The following ZNF491 variants were observed in gnomAD, a reference collection of about 807,000 sequenced individuals.
The protein encoded by ZNF491 is zinc finger protein 491.
ZNF491 carries 22 observed loss-of-function variants against 34.7 expected under a neutral mutation model. The ratio of observed to expected loss-of-function variants is 0.63; its 90% confidence interval spans 0.45 to 0.90. The LOEUF (loss-of-function observed/expected upper bound fraction) is 0.90. Ranked by LOEUF, ZNF491 falls within the 40% of genes least tolerant of loss-of-function variation. ZNF491 has a pLI of 0.00. For synonymous variants in ZNF491, 148 were observed against 174.3 expected (o/e 0.85, Z 1.19); for missense variants, 559 against 531.7 (o/e 1.05, Z -0.51).
chr19:11,806,771 G>A lies in ZNF491; in HGVS notation c.818G>A (p.Cys273Tyr). The A allele has an allele frequency of 6.2e-7, 1 of 1,613,120 alleles. No individual in the cohort carries two copies. Among genetic ancestry groups the A allele is most frequent in the Admixed American group, 1.7e-5 (1 of 59,744 alleles). ...CACACTGGAGAGAGGCCTCATAAATGTAAGATATGTGGGAAAGCCTTTTAC... is the reference window on the plus strand; with the variant it reads ...CACACTGGAGAGAGGCCTCATAAATATAAGATATGTGGGAAAGCCTTTTAC... ...RMHTGERPHK[C>Y]KICGKAFYSP... The change falls in exon 3 of 3, where the codon TGT becomes TAT. Residue 273 changes from cysteine to tyrosine, a missense_variant. By Grantham distance (194) the Cys-to-Tyr change is radical. Coordinates refer to ENST00000323169, the MANE Select transcript of ZNF491 (RefSeq NM_152356.4).
intron 1 of ZNF491, among the ~76,000 whole-genome samples, chr19:11,801,088 C>G (rs1975554551): frequency 6.6e-6 from 1 of 151,992 alleles, no homozygotes; most frequent in Admixed American, 6.6e-5. Context: ...CCTGTAATCC[C>G]AGCACTTTGG....
At position 11,806,897 on chromosome 19, in the gene ZNF491, A is replaced by C. The variant is rs760958878; in HGVS notation, c.944A>C (p.Gln315Pro). 1 of 1,610,558 alleles carries C rather than the reference A, an allele frequency of 6.2e-7. No individual in the cohort carries two copies. Among genetic ancestry groups the C allele is most frequent in the Admixed American group, 1.7e-5 (1 of 59,316 alleles). ...GCCTTCACTTGTTCCACTTCGTTTC[A>C]ATATCATGAAAGGACTCACACTGGA... is the stretch of plus-strand genomic sequence containing the variant. ...GKAFTCSTSF[Q>P]YHERTHTGEK... Residue 315 changes from glutamine (Q) to proline (P), a missense_variant, in exon 3 of 3, where the codon CAA becomes CCA. By Grantham distance (76) the Gln-to-Pro change is moderately conservative (BLOSUM62 -1). Transcript: ENST00000323169.
chr19:11,805,067 T>G (rs1236024712), intron 2 of ZNF491, among the ~76,000 whole-genome samples: 1 of 152,182 alleles, frequency 6.6e-6, no homozygotes, highest in South Asian at 2.1e-4. Flanking sequence ...TATATTTCAA[T>G]GTGATATAGA....
chr19:11,802,362 T>C (rs142998176), intron 1 of ZNF491, among the ~76,000 whole-genome samples: 64 of 152,332 alleles, frequency 4.2e-4, no homozygotes, highest in African/African-American at 1.4e-3. Flanking sequence ...TTTTTTATAG[T>C]TGAATTATGG....
At chr19:11,803,487 T>C (rs991067661) in intron 1 of ZNF491, among the ~76,000 whole-genome samples, 2 of 152,224 alleles carry the variant, frequency 1.3e-5, no homozygotes, top group South Asian at 4.1e-4. Flanking sequence ...ATATCCTTTT[T>C]CTATTCCAGG....
Position 11,806,777 on chromosome 19 carries a change from T to C in ZNF491, c.824T>C (p.Ile275Thr). The C allele has an allele frequency of 6.2e-7, 1 of 1,612,290 alleles. No homozygotes were observed. Among genetic ancestry groups the C allele is most frequent in the South Asian group, 1.1e-5 (1 of 90,822 alleles). Residue 275 changes from isoleucine to threonine, a missense_variant, in exon 3 of 3, where the codon ATA (isoleucine) becomes ACA (threonine). Ile to Thr is a moderately conservative substitution (Grantham distance 89). Coordinates refer to ENST00000323169, the MANE Select transcript of ZNF491 (RefSeq NM_152356.4). Reference protein sequence around the residue: ...HTGERPHKCKICGKAFYSPSS... With the variant: ...HTGERPHKCKTCGKAFYSPSS... ...GGAGAGAGGCCTCATAAATGTAAGA[T>C]ATGTGGGAAAGCCTTTTACTCTCCC... is the stretch of plus-strand genomic sequence containing the variant.
chr19:11,799,100 A>C (rs1297328933), intron 1 of ZNF491: 2 of 152,300 alleles, frequency 1.3e-5, no homozygotes, highest in African/African-American at 4.8e-5. Context: ...GTTAACAGTT[A>C]AAGAGTTTGT....
At chr19:11,800,948 G>A (rs967592960) in intron 1 of ZNF491, among the ~76,000 whole-genome samples, 7 of 151,906 alleles carry the variant, frequency 4.6e-5, no homozygotes, top group Non-Finnish European at 8.8e-5. Context: ...AAGGCGGGAG[G>A]ATCGCTTGAG....
intron 1 of ZNF491, among the ~76,000 whole-genome samples, chr19:11,801,691 TAAA>T (rs2145096910): frequency 6.6e-6 from 1 of 152,314 alleles, no homozygotes; most frequent in Non-Finnish European, 1.5e-5. Flanking sequence ...AGAAAAACCT[TAAA>T]AATTTTACTA....
chr19:11,806,013 G>A lies in ZNF491; in HGVS notation c.60G>A (p.Gln20=). 1 of 1,612,618 alleles carries A rather than the reference G, an allele frequency of 6.2e-7. No individual in the cohort carries two copies. Among genetic ancestry groups the A allele is most frequent in the Non-Finnish European group, 8.5e-7 (1 of 1,179,380 alleles). ...GTCAGTGTGGAGAAACTTTCACCCA[G>A]GTTCCGGAAGACATGCTGAACAAGA... ...EGSQCGETFT[Q]VPEDMLNKKT... is the part of the protein sequence containing the mutation. Residue 20 remains glutamine, a synonymous_variant, in exon 3 of 3, where the codon CAG becomes CAA. Transcript: ENST00000323169.
Position 11,806,394 on chromosome 19 carries a change from T to G in ZNF491, c.441T>G (p.Leu147=), listed in dbSNP as rs961355559. 1 of 1,613,636 alleles carries G rather than the reference T, an allele frequency of 6.2e-7. No individual in the cohort carries two copies. Among genetic ancestry groups the G allele is most frequent in the Non-Finnish European group, 8.5e-7 (1 of 1,179,818 alleles). ...CCTTGGATTGTCTCAGTTTATACCT[T>G]ACCCATGAACGAACTCACACTGGAG... ...GKALDCLSLY[L]THERTHTGEK... is the part of the protein sequence containing the mutation. Residue 147 remains leucine (L), a synonymous_variant, in exon 3 of 3, where the codon CTT becomes CTG. Transcript: ENST00000323169.
rs111570520 is a variant in ZNF491 at position 11,806,360 on chromosome 19, G to A, written c.407G>A (p.Cys136Tyr). The A allele has an allele frequency of 3.1e-6, 5 of 1,613,250 alleles. No homozygotes were observed. Among genetic ancestry groups the A allele is most frequent in the African/African-American group, 1.3e-5 (1 of 74,966 alleles). ...GATGGACCTTATAAATGTAAGTTTTGTGGGAAAGCCTTGGATTGTCTCAGT... is the reference window on the plus strand; with the variant it reads ...GATGGACCTTATAAATGTAAGTTTTATGGGAAAGCCTTGGATTGTCTCAGT... ...SGDGPYKCKF[C>Y]GKALDCLSLY... The change falls in exon 3 of 3, where the codon TGT (cysteine) becomes TAT (tyrosine). Residue 136 changes from cysteine to tyrosine, a missense_variant. Physicochemically the swap from Cys to Tyr is radical, Grantham distance 194. Coordinates refer to ENST00000323169, the MANE Select transcript of ZNF491 (RefSeq NM_152356.4).
At chr19:11,801,078 C>T (rs987363642) in intron 1 of ZNF491, among the ~76,000 whole-genome samples, 1 of 152,016 alleles carries the variant, frequency 6.6e-6, no homozygotes, top group Non-Finnish European at 1.5e-5. Flanking sequence ...CTGGCTTACA[C>T]CTGTAATCCC....
At chr19:11,804,951 C>A (rs1383291943) in intron 2 of ZNF491, among the ~76,000 whole-genome samples, 2 of 152,152 alleles carry the variant, frequency 1.3e-5, no homozygotes, top group African/African-American at 4.8e-5. Flanking sequence ...AAAGAAATGT[C>A]TCTAAAGAAA....
Position 11,806,916 on chromosome 19 carries a change from C to T in ZNF491, c.963C>T (p.His321=), listed in dbSNP as rs1289892102. ...CGTTTCAATATCATGAAAGGACTCA[C>T]ACTGGAGAGAAACCCGATGGGTGTA... The part of the protein sequence containing the change: ...STSFQYHERT[H]TGEKPDGCKQ... Residue 321 remains histidine, a synonymous_variant, in exon 3 of 3, where the codon CAC becomes CAT. Transcript: ENST00000323169. 2.5e-6 allele frequency: 4 copies of T among 1,613,092 alleles called. No individual in the cohort carries two copies. Among genetic ancestry groups the T allele is most frequent in the Middle Eastern group, 1.7e-4 (1 of 6,052 alleles).
intron 1 of ZNF491, among the ~76,000 whole-genome samples, chr19:11,799,779 CA>C (rs1473448768): frequency 1.3e-5 from 2 of 151,940 alleles, no homozygotes; most frequent in African/African-American, 4.8e-5. Flanking sequence ...ACCAAAAATA[CA>C]AAAATTAGCT....
rs1434035630 is a variant in ZNF491 at position 11,805,987 on chromosome 19, A to G, written c.34A>G (p.Ser12Gly). ...GERLFESAEG[S>G]QCGETFTQVP... The stretch of plus-strand genomic sequence containing the variant: ...GAGACTCTTTGAGAGTGCAGAAGGT[A>G]GTCAGTGTGGAGAAACTTTCACCCA... The change falls in exon 3 of 3, where the codon AGT (serine) becomes GGT (glycine). Residue 12 changes from serine to glycine, a missense_variant. By Grantham distance (56) the Ser-to-Gly change is moderately conservative (BLOSUM62 0). Transcript: ENST00000323169. 1 of 1,604,860 alleles carries G rather than the reference A, an allele frequency of 6.2e-7. No individual in the cohort carries two copies. Among genetic ancestry groups the G allele is most frequent in the Admixed American group, 1.7e-5 (1 of 58,574 alleles).
At position 11,807,251 on chromosome 19, in the gene ZNF491, A is replaced by G; in HGVS notation, c.1298A>G (p.His433Arg). 1.3e-6 allele frequency: 2 copies of G among 1,549,952 alleles called. No homozygotes were observed. The highest frequency in any genetic ancestry group is 1.7e-6 in the Non-Finnish European group (2 of 1,153,930). ...SSYCRKHERT[H>R]TINI ...TACTGTCGAAAACATGAAAGAACTC[A>G]CACTATTAATATATGAGAGAAATGC... The change falls in exon 3 of 3, where the codon CAC becomes CGC. Residue 433 changes from histidine to arginine, a missense_variant. Coordinates refer to ENST00000323169, the MANE Select transcript of ZNF491 (RefSeq NM_152356.4).
At position 11,807,339 on chromosome 19, in the gene ZNF491, A is replaced by C; in HGVS notation, c.*72A>C. The C allele has an allele frequency of 8.9e-7, 1 of 1,129,110 alleles. No homozygotes were observed. The highest frequency in any genetic ancestry group is 1.2e-6 in the Non-Finnish European group (1 of 826,312). The allele number at this position is 1,129,110 out of a possible 1,614,324, so 69.9% of individuals were successfully genotyped here. A position where few individuals can be genotyped will look rare whatever the true frequency, so the allele number is the denominator to read the frequency against. ...ACTATCTTGTCCAGGTTGGTCTTGA[A>C]CTCCTGGCCTCAAGCATCCCTCCCA... is the stretch of plus-strand genomic sequence containing the variant. On this transcript the variant is annotated 3_prime_UTR_variant, in exon 3 of 3. Coordinates refer to ENST00000323169, the MANE Select transcript of ZNF491 (RefSeq NM_152356.4).
Sources: gnomAD v4.1 joint callset for allele counts (sites outside exome capture counted in the v4.1 genomes callset) on GRCh38, gnomAD v4.1.1 for gene constraint, MANE v1.5 for transcripts, NCBI Gene and HGNC (gene_info 2026-07-23, HGNC 2026-07-21) for gene names.